SYNPO: variants seen among roughly 807,000 people sequenced by gnomAD.
SYNPO encodes the protein synaptopodin.
Under a neutral mutation model 49.5 loss-of-function variants are expected in SYNPO, and 19 were observed. That is an observed-to-expected ratio of 0.38 (90% CI 0.27 to 0.56). The LOEUF is 0.56. Among genes scored for constraint, SYNPO ranks in the 20% least tolerant of loss-of-function variants. SYNPO has a pLI of 0.68. For synonymous variants in SYNPO, 536 were observed against 548.0 expected (o/e 0.98, Z 0.31); for missense variants, 1,131 against 1,248.3 (o/e 0.91, Z 1.42).
At chr5:150,620,901 CTT>C (rs1400779886) in intron 2 of SYNPO, among the ~76,000 whole-genome samples, 14 of 87,682 alleles carry the variant, frequency 1.6e-4, no homozygotes, top group Non-Finnish European at 2.3e-4. Flanking sequence ...CTTTTTTTCT[CTT>C]TCTTTCTTTC....
At position 150,651,324 on chromosome 5, in the gene SYNPO, G is replaced by A. The variant is rs931054; in HGVS notation, c.2028+1021G>A. ...CCCATGTCACCTTCTCATTTGCTGTGTGACTTTGGCCCACTCACATTCTCT... is the reference window on the plus strand; with the variant it reads ...CCCATGTCACCTTCTCATTTGCTGTATGACTTTGGCCCACTCACATTCTCT... On this transcript the variant is annotated intron_variant, in intron 2 of 2. Transcript: ENST00000307662. 0.021 allele frequency: 20,702 copies of A among 1,000,530 alleles called. 2,911 individuals are homozygous for A. The African/African-American group carries it at 0.31, about 15-fold the overall frequency. The allele number at this position is 1,000,530 out of a possible 1,614,324, so 62.0% of individuals were successfully genotyped here.
intron 1 of SYNPO, among the ~76,000 whole-genome samples, chr5:150,612,886 C>T (rs1756886785): frequency 6.6e-6 from 1 of 152,182 alleles, no homozygotes; most frequent in South Asian, 2.1e-4. Context: ...CTCAAGCACT[C>T]CTCCAGCTCA....
At chr5:150,646,735 A>G (rs1421228593) in intron 1 of SYNPO, among the ~76,000 whole-genome samples, 1 of 144,364 alleles carries the variant, frequency 6.9e-6, no homozygotes, top group Non-Finnish European at 1.5e-5. Context: ...AAAAAAATAA[A>G]TAAATACAAA....
the SYNPO span, among the ~76,000 whole-genome samples, chr5:150,592,151 G>A: frequency 1.3e-5 from 2 of 151,824 alleles, no homozygotes; most frequent in Non-Finnish European, 1.5e-5. Context: ...GGCAACAAGA[G>A]TGAAACTCCG....
At chr5:150,645,727 T>C (rs1758066437) in intron 1 of SYNPO, among the ~76,000 whole-genome samples, 1 of 152,214 alleles carries the variant, frequency 6.6e-6, no homozygotes, top group Non-Finnish European at 1.5e-5. Flanking sequence ...TTGTCACCCT[T>C]GGCTTTGCAA....
At chr5:150,592,989 C>T in the SYNPO span, among the ~76,000 whole-genome samples, 1 of 152,234 alleles carries the variant, frequency 6.6e-6, no homozygotes, top group Non-Finnish European at 1.5e-5. Context: ...GAACAGAAAC[C>T]TGCCTTCCTG....
chr5:150,598,572 G>A (rs1182885441), upstream of SYNPO, among the ~76,000 whole-genome samples: 2 of 152,188 alleles, frequency 1.3e-5, no homozygotes, highest in African/African-American at 2.4e-5. Context: ...CATTAATGGC[G>A]GTTTTCTTAT....
intron 1 of SYNPO, among the ~76,000 whole-genome samples, chr5:150,641,576 C>T (rs543285360): frequency 7.2e-5 from 11 of 152,350 alleles, no homozygotes; most frequent in Non-Finnish European, 1.5e-4. Context: ...CCTCCATCCA[C>T]ACGGGCCCCA....
chr5:150,602,997 G>GT (rs1554106604), intron 1 of SYNPO, among the ~76,000 whole-genome samples: 66 of 131,250 alleles, frequency 5.0e-4, no homozygotes, highest in African/African-American at 1.9e-3. Context: ...GCCACCTTAG[G>GT]GTGTGTGTGT....
chr5:150,593,510 G>C, the SYNPO span, among the ~76,000 whole-genome samples: 1 of 152,026 alleles, frequency 6.6e-6, no homozygotes, highest in African/African-American at 2.4e-5. Context: ...CTTCCAGGCT[G>C]GAGTGCAGTG....
chr5:150,650,474 G>A (rs2151426383), intron 2 of SYNPO, 171 bp downstream of exon 2: 1 of 1,511,852 alleles, frequency 6.6e-7, no homozygotes, highest in East Asian at 2.5e-5. Context: ...GCCACCAGCT[G>A]GCTTTGTGAC....
At chr5:150,641,351 C>T (rs1314939518) in intron 1 of SYNPO, among the ~76,000 whole-genome samples, 1 of 152,224 alleles carries the variant, frequency 6.6e-6, no homozygotes, top group Admixed American at 6.5e-5. Context: ...AGCCTGTTTA[C>T]CCTTCCTGTC....
At chr5:150,647,570 G>A (rs1248903256) in intron 1 of SYNPO, among the ~76,000 whole-genome samples, 1 of 152,208 alleles carries the variant, frequency 6.6e-6, no homozygotes, top group Non-Finnish European at 1.5e-5. Flanking sequence ...GTGTGGCAGA[G>A]CCTAGTGAGA....
chr5:150,648,932 C>A lies in SYNPO; in HGVS notation c.657C>A (p.Thr219=), dbSNP rs747507729. The A allele has an allele frequency of 1.5e-5, 25 of 1,614,138 alleles. No individual in the cohort carries two copies. Among genetic ancestry groups the A allele is most frequent in the Non-Finnish European group, 2.0e-5 (24 of 1,180,060 alleles). The change falls in exon 2 of 3, where the codon ACC becomes ACA. Residue 219 remains threonine, a synonymous_variant. Coordinates refer to ENST00000307662, the MANE Select transcript of SYNPO (RefSeq NM_007286.6). This position sits in a 1 kb window ranked among gnomAD's most constrained non-coding sequence, Gnocchi z 5.0. ...MSGRAAATTP[T]KVYSEVHFTL... is the part of the protein sequence containing the mutation. The stretch of plus-strand genomic sequence containing the variant: ...GGCGAGCAGCTGCCACCACGCCCAC[C>A]AAGGTCTACAGTGAGGTCCACTTCA...
chr5:150,631,981 C>T (rs1351233433), intron 2 of SYNPO, among the ~76,000 whole-genome samples: 1 of 152,178 alleles, frequency 6.6e-6, no homozygotes, highest in East Asian at 1.9e-4. Context: ...CCCAGACCTA[C>T]TTCCACTGCC....
In SYNPO at chr5:150,648,234, C is replaced by A; in HGVS notation, c.-42C>A. Reference sequence around the variant, plus strand: ...GCCGGAGCCAGGCCCTCCACGGCACCCCAGTCCCCAGAGCCCCGACAGAGG... The same window carrying A: ...GCCGGAGCCAGGCCCTCCACGGCACACCAGTCCCCAGAGCCCCGACAGAGG... On this transcript the variant is annotated 5_prime_UTR_variant, in exon 2 of 3. Coordinates refer to ENST00000307662, the MANE Select transcript of SYNPO (RefSeq NM_007286.6). This position sits in a 1 kb window ranked among gnomAD's most constrained non-coding sequence, Gnocchi z 5.0. 6.2e-7 allele frequency: 1 copy of A among 1,612,720 alleles called. No individual in the cohort carries two copies. Among genetic ancestry groups the A allele is most frequent in the Middle Eastern group, 1.7e-4 (1 of 6,060 alleles).
At chr5:150,641,869 G>A (rs1392796353) in intron 1 of SYNPO, among the ~76,000 whole-genome samples, 1 of 152,230 alleles carries the variant, frequency 6.6e-6, no homozygotes, top group Non-Finnish European at 1.5e-5. Context: ...ACAAGATGAG[G>A]GAGCAGAGGG....
At chr5:150,642,469 T>C (rs1458531802) in intron 1 of SYNPO, among the ~76,000 whole-genome samples, 1 of 152,194 alleles carries the variant, frequency 6.6e-6, no homozygotes, top group South Asian at 2.1e-4. Context: ...GCCAGGCCGA[T>C]TGAGGGTTCA....
At chr5:150,651,586 C>CCTGGG (rs139408467) in intron 2 of SYNPO, 20 of 1,003,206 alleles carry the variant, frequency 2.0e-5, no homozygotes, top group Admixed American at 6.1e-5. Flanking sequence ...CCAAGGGATG[C>CCTGGG]CTGGGCTGGG....
Sources: gnomAD v4.1 joint callset for allele counts (sites outside exome capture counted in the v4.1 genomes callset) on GRCh38, gnomAD v4.1.1 for gene constraint, Gnocchi (gnomAD v3.1) non-coding constraint, MANE v1.5 for transcripts, NCBI Gene and HGNC (gene_info 2026-07-23, HGNC 2026-07-21) for gene names.